Variants in BCAS1 observed in about 807,000 individuals in gnomAD.
BCAS1 encodes breast carcinoma-amplified sequence 1.
Under a neutral mutation model 65.4 loss-of-function variants are expected in BCAS1, and 46 were observed. The observed-to-expected ratio is 0.70, with a 90% CI of 0.55 to 0.90. The LOEUF (loss-of-function observed/expected upper bound fraction) is 0.90, where lower values mean the gene tolerates loss of function less well. Among genes scored for constraint, BCAS1 ranks in the 40% least tolerant of loss-of-function variants. BCAS1 has a pLI of 0.00. For missense variants in BCAS1, 793 were observed against 771.2 expected (o/e 1.03, Z -0.33); for synonymous variants, 298 against 293.5 (o/e 1.02, Z -0.16).
intron 11 of BCAS1, among the ~76,000 whole-genome samples, chr20:53,956,383 A>G (rs2089699927): frequency 6.6e-6 from 1 of 152,172 alleles, no homozygotes; most frequent in African/African-American, 2.4e-5. Flanking sequence ...TGATTTGGTT[A>G]CTCCTTAATC....
chr20:53,995,489 G>GT (rs11480980), intron 5 of BCAS1, among the ~76,000 whole-genome samples: 65,170 of 145,602 alleles, frequency 0.45, 15,120 homozygotes, highest in South Asian at 0.63. Flanking sequence ...ATTCATTCAG[G>GT]TTTTTTTTTT....
intron 3 of BCAS1, among the ~76,000 whole-genome samples, chr20:54,055,058 G>A (rs2092275993): frequency 6.6e-6 from 1 of 152,078 alleles, no homozygotes; most frequent in Admixed American, 6.6e-5. Context: ...TGAGATGGAG[G>A]ATGGAGAGAA....
intron 1 of BCAS1, among the ~76,000 whole-genome samples, chr20:54,063,864 T>A (rs1282636412): frequency 6.6e-6 from 1 of 152,236 alleles, no homozygotes; most frequent in Non-Finnish European, 1.5e-5. Context: ...TTGAAAGAGC[T>A]AACTTTCATT....
intron 12 of BCAS1, among the ~76,000 whole-genome samples, chr20:53,950,021 C>T (rs1223447945): frequency 6.6e-6 from 1 of 152,186 alleles, no homozygotes; most frequent in Non-Finnish European, 1.5e-5. Flanking sequence ...CTTCAACAGC[C>T]ATTCTCCACC....
At position 53,985,260 on chromosome 20, in the gene BCAS1, T is replaced by C. The variant is rs1003089927; in HGVS notation, c.1275+27A>G. 3.1e-6 allele frequency: 5 copies of C among 1,602,632 alleles called. No individual in the cohort carries two copies. In the African/African-American group the frequency reaches 6.7e-5, roughly 21 times the overall value. ...CTGGAGTCATCCCCGCCCGGACGAC[T>C]CTCTAACGCTTGAAAATCAGACTTA... On this transcript the variant is annotated intron_variant, in intron 8 of 12. Coordinates refer to ENST00000688948, the MANE Select transcript of BCAS1 (RefSeq NM_001366298.2).
intron 4 of BCAS1, among the ~76,000 whole-genome samples, chr20:54,026,428 T>C (rs1359338905): frequency 1.3e-5 from 2 of 152,194 alleles, no homozygotes; most frequent in Non-Finnish European, 2.9e-5. Flanking sequence ...CGAGGTTTTA[T>C]GGCTGAGTAC....
intron 3 of BCAS1, among the ~76,000 whole-genome samples, chr20:54,041,911 A>C (rs866540829): frequency 6.2e-4 from 87 of 140,900 alleles, no homozygotes; most frequent in Middle Eastern, 3.6e-3. Flanking sequence ...GTCTCCCCCA[A>C]AAAAAAAAAA....
intron 4 of BCAS1, among the ~76,000 whole-genome samples, chr20:54,019,069 G>A (rs992690116): frequency 2.6e-5 from 4 of 152,126 alleles, no homozygotes; most frequent in African/African-American, 9.7e-5. Context: ...ACACTATGTA[G>A]GCCAAGTAAG....
rs756528896 is a variant in BCAS1 at position 53,953,412 on chromosome 20, G to A, written c.1815+20C>T. The stretch of plus-strand genomic sequence containing the variant: ...GGAAGGAGAGAGCCCAGAAAGAAGA[G>A]GCAAAAAAAATCCACCTACCAGGCC... On this transcript the variant is annotated intron_variant, in intron 12 of 12. Transcript: ENST00000688948. 2 of 1,611,544 alleles carry A rather than the reference G, an allele frequency of 1.2e-6. No homozygotes were observed. Among genetic ancestry groups the A allele is most frequent in the Admixed American group, 1.7e-5 (1 of 59,814 alleles).
chr20:54,051,620 A>G (rs2092213777), intron 3 of BCAS1, among the ~76,000 whole-genome samples: 1 of 152,214 alleles, frequency 6.6e-6, no homozygotes, highest in African/African-American at 2.4e-5. Context: ...TGAGCAGAAG[A>G]CACCCTTCTA....
intron 9 of BCAS1, among the ~76,000 whole-genome samples, chr20:53,974,127 A>G (rs759943210): frequency 6.6e-6 from 1 of 152,180 alleles, no homozygotes; most frequent in African/African-American, 2.4e-5. Context: ...AGCACTCTGT[A>G]AAATGGACCA....
intron 10 of BCAS1, among the ~76,000 whole-genome samples, chr20:53,966,393 T>G (rs6097697): frequency 6.6e-6 from 1 of 152,150 alleles, no homozygotes; most frequent in African/African-American, 2.4e-5. Flanking sequence ...AACCAAATAC[T>G]GTATGTTCTC....
Position 54,028,661 on chromosome 20 carries a change from T to TA in BCAS1, c.453dup (p.Lys152Ter), listed in dbSNP as rs1298738819. On this transcript the variant is annotated frameshift_variant, in exon 4 of 13. Coordinates refer to ENST00000688948, the MANE Select transcript of BCAS1 (RefSeq NM_001366298.2). LOFTEE classifies it high-confidence loss of function. ...TGGGCCGGGGCGTGCCCTGGGGTTT[T>TA]ATCTGTGTCCTGCCCCGGTCCAGCT... The TA allele has an allele frequency of 6.2e-7, 1 of 1,614,072 alleles. No individual in the cohort carries two copies. The highest frequency in any genetic ancestry group is 1.7e-5 in the Admixed American group (1 of 60,004).
At chr20:54,062,567 C>G (rs1454686074) in intron 1 of BCAS1, among the ~76,000 whole-genome samples, 1 of 152,178 alleles carries the variant, frequency 6.6e-6, no homozygotes, top group Non-Finnish European at 1.5e-5. Context: ...TTTTAAAGCT[C>G]TTACTATTTA....
Position 54,040,867 on chromosome 20 carries a change from C to T in BCAS1, c.143-11895G>A, listed in dbSNP as rs116672803. On this transcript the variant is annotated intron_variant, in intron 3 of 12. Coordinates refer to ENST00000688948, the MANE Select transcript of BCAS1 (RefSeq NM_001366298.2). ...GCAAGAAAATGAAAACATATGGCCA[C>T]ACAAAAACTTGTACACAAATGTCCA... Among the ~76,000 whole-genome samples the T allele has an allele frequency of 3.0e-3, 454 of 151,310 alleles. 10 individuals are homozygous for T. The highest frequency in any genetic ancestry group is 0.011 in the African/African-American group (436 of 41,404).
chr20:53,983,821 C>G (rs910413071), intron 8 of BCAS1, among the ~76,000 whole-genome samples: 4 of 152,158 alleles, frequency 2.6e-5, no homozygotes, highest in Admixed American at 2.6e-4. Flanking sequence ...CCTTCCTTCT[C>G]TCTCTTTCTT....
At chr20:54,025,501 A>G (rs2091651742) in intron 4 of BCAS1, among the ~76,000 whole-genome samples, 1 of 152,192 alleles carries the variant, frequency 6.6e-6, no homozygotes. Context: ...GTAGTTTTAT[A>G]AGGCACAAAA....
At chr20:53,968,419 A>T (rs775425568) in intron 9 of BCAS1, among the ~76,000 whole-genome samples, 4 of 152,164 alleles carry the variant, frequency 2.6e-5, no homozygotes, top group Middle Eastern at 3.2e-3. Context: ...TATTTCCAAA[A>T]ATATCGTCTG....
At chr20:54,002,222 G>A (rs1415208538) in intron 4 of BCAS1, among the ~76,000 whole-genome samples, 2 of 152,024 alleles carry the variant, frequency 1.3e-5, no homozygotes, top group African/African-American at 4.8e-5. Context: ...GGAGCCTGCT[G>A]GGCTCTGCCT....
Sources: gnomAD v4.1 joint callset for allele counts (sites outside exome capture counted in the v4.1 genomes callset) on GRCh38, gnomAD v4.1.1 for gene constraint, MANE v1.5 for transcripts, NCBI Gene and HGNC (gene_info 2026-07-23, HGNC 2026-07-21) for gene names.